Variants in NCKAP5 observed in about 807,000 individuals in gnomAD.
NCKAP5 encodes the protein NCK associated protein 5.
In NCKAP5, 92 loss-of-function variants were observed where a neutral mutation model predicts 167.0. The ratio of observed to expected loss-of-function variants is 0.55; its 90% CI spans 0.47 to 0.66. NCKAP5 has a LOEUF of 0.66. Among genes scored for constraint, NCKAP5 ranks in the 30% least tolerant of loss-of-function variants. The pLI is 0.00. For missense variants in NCKAP5, 2,378 were observed against 2,315.0 expected (o/e 1.03, Z -0.56); for synonymous variants, 891 against 877.4 (o/e 1.02, Z -0.27).
At position 133,508,043 on chromosome 2, in the gene NCKAP5, A is replaced by T. The variant is rs957777108; in HGVS notation, c.69+9415T>A. ...TGAAAATGATTTAGCTATGTGATGC[A>T]TTTTGCCTTGCACCAGGAATTAGGG... On this transcript the variant is annotated intron_variant, in intron 3 of 19. Transcript: ENST00000409261. 4.6e-5 allele frequency among the ~76,000 whole-genome samples: 7 copies of T among 152,218 alleles called. No homozygotes were observed. In the East Asian group the frequency reaches 1.3e-3, roughly 29 times the overall value.
At chr2:132,769,941 A>G (rs1480698244) in intron 16 of NCKAP5, among the ~76,000 whole-genome samples, 1 of 152,250 alleles carries the variant, frequency 6.6e-6, no homozygotes, top group Non-Finnish European at 1.5e-5. Flanking sequence ...AATAGATACA[A>G]TGAGCCAATA....
rs190372180 is a variant in NCKAP5 at position 132,927,695 on chromosome 2, G to T, written c.579+36025C>A. ...CAGCTTGTTATTGGTGTATAAAAATGCCACTGATTTTTGTATTTTGATTTT... is the reference window on the plus strand; with the variant it reads ...CAGCTTGTTATTGGTGTATAAAAATTCCACTGATTTTTGTATTTTGATTTT... On this transcript the variant is annotated intron_variant, in intron 8 of 19. Transcript: ENST00000409261. Among the ~76,000 whole-genome samples the T allele has an allele frequency of 2.6e-3, 401 of 152,110 alleles. 4 individuals carry two copies. The highest frequency in any genetic ancestry group is 8.7e-3 in the African/African-American group (363 of 41,508).
At position 133,214,664 on chromosome 2, in the gene NCKAP5, T is replaced by C. The variant is rs76245142; in HGVS notation, c.144-885A>G. Among the ~76,000 whole-genome samples the C allele has an allele frequency of 1.4e-3, 218 of 152,298 alleles. 1 individual carries two copies. Among genetic ancestry groups the C allele is most frequent in the Non-Finnish European group, 2.6e-3 (177 of 68,010 alleles). ...GCTTTTCAATTGTTCTTTAAAATAA[T>C]TGATTAGATGTCATAGGGGTAAGTG... is the stretch of plus-strand genomic sequence containing the variant. On this transcript the variant is annotated intron_variant, in intron 4 of 19. Transcript: ENST00000409261.
intron 19 of NCKAP5, among the ~76,000 whole-genome samples, chr2:132,710,468 CTTAAACCTA>C (rs1342575508): frequency 6.6e-6 from 1 of 152,166 alleles, no homozygotes; most frequent in Non-Finnish European, 1.5e-5. Context: ...AACAGATGTT[CTTAAACCTA>C]AGGCACTGTG....
chr2:132,762,943 C>CT (rs1681139693), intron 16 of NCKAP5, among the ~76,000 whole-genome samples: 2 of 152,076 alleles, frequency 1.3e-5, no homozygotes, highest in East Asian at 1.9e-4. Flanking sequence ...GGTATGAGAG[C>CT]TTTTTTTGGT....
At chr2:133,612,054 C>T in the NCKAP5 span, among the ~76,000 whole-genome samples, 1 of 152,142 alleles carries the variant, frequency 6.6e-6, no homozygotes, top group Non-Finnish European at 1.5e-5. Context: ...AGTATAGTTG[C>T]TTTTCATGAA....
At chr2:133,488,256 C>G (rs920520510) in intron 3 of NCKAP5, among the ~76,000 whole-genome samples, 6 of 152,114 alleles carry the variant, frequency 3.9e-5, no homozygotes, top group African/African-American at 1.4e-4. Context: ...GGTCCCTTGA[C>G]CTCCTGAATC....
At chr2:133,381,037 G>A (rs1051862908) in intron 3 of NCKAP5, among the ~76,000 whole-genome samples, 40 of 152,182 alleles carry the variant, frequency 2.6e-4, no homozygotes, top group Admixed American at 5.2e-4. Flanking sequence ...GCACAACACA[G>A]TAAAAGATAG....
intron 3 of NCKAP5, among the ~76,000 whole-genome samples, chr2:133,313,795 T>C (rs1681417044): frequency 6.6e-6 from 1 of 151,900 alleles, no homozygotes; most frequent in African/African-American, 2.4e-5. Context: ...ATTAGAAGAG[T>C]CCTCATTTCA....
intron 4 of NCKAP5, among the ~76,000 whole-genome samples, chr2:133,228,048 C>A (rs112423311): frequency 6.6e-6 from 1 of 152,144 alleles, no homozygotes; most frequent in African/African-American, 2.4e-5. Context: ...ATCAGTTCCA[C>A]GTTTTAATTC....
intron 3 of NCKAP5, among the ~76,000 whole-genome samples, chr2:133,422,781 A>T (rs1349910284): frequency 6.6e-6 from 1 of 152,192 alleles, no homozygotes; most frequent in Admixed American, 6.5e-5. Flanking sequence ...TTCGTCTGTG[A>T]TCAGAAGCCT....
intron 16 of NCKAP5, among the ~76,000 whole-genome samples, chr2:132,733,500 C>T (rs1430106723): frequency 6.6e-6 from 1 of 152,160 alleles, no homozygotes; most frequent in Non-Finnish European, 1.5e-5. Flanking sequence ...CCTTTTACTG[C>T]TGTGAGGATT....
chr2:133,397,822 C>T (rs1190157857), intron 3 of NCKAP5, among the ~76,000 whole-genome samples: 1 of 152,148 alleles, frequency 6.6e-6, no homozygotes, highest in African/African-American at 2.4e-5. Context: ...CATGGGCTGG[C>T]CTTGGCCTTG....
At position 132,783,972 on chromosome 2, in the gene NCKAP5, A is replaced by G; in HGVS notation, c.2839T>C (p.Tyr947His). The change falls in exon 14 of 20, where the codon TAT becomes CAT. Residue 947 changes from tyrosine to histidine, a missense_variant. Transcript: ENST00000409261. ...VSLLARPSYD[Y>H]SPAPSSTKSE... The stretch of plus-strand genomic sequence containing the variant: ...TTGGTGGATGAAGGTGCTGGTGAAT[A>G]GTCATAGCTGGGCCTGGCCAGCAGG... 1.3e-6 allele frequency: 2 copies of G among 1,597,918 alleles called. No homozygotes were observed. Among genetic ancestry groups the G allele is most frequent in the South Asian group, 1.1e-5 (1 of 88,540 alleles).
chr2:133,653,343 G>A, the NCKAP5 span, among the ~76,000 whole-genome samples: 2 of 152,122 alleles, frequency 1.3e-5, no homozygotes, highest in African/African-American at 2.4e-5. Flanking sequence ...GTTCTCAGAT[G>A]CATGCCTCAT....
chr2:133,450,869 T>C (rs1691507389), intron 3 of NCKAP5, among the ~76,000 whole-genome samples: 2 of 152,136 alleles, frequency 1.3e-5, no homozygotes, highest in Admixed American at 1.3e-4. Flanking sequence ...CAGGGTAAAA[T>C]GAGAAACCTT....
chr2:133,249,897 G>T (rs62179960), intron 4 of NCKAP5, among the ~76,000 whole-genome samples: 24,246 of 151,774 alleles, frequency 0.16, 2,111 homozygotes, highest in African/African-American at 0.24. Context: ...CCTGGAGAAA[G>T]GACTCAAGGC....
At chr2:133,067,609 A>G (rs1011440255) in intron 6 of NCKAP5, among the ~76,000 whole-genome samples, 1 of 152,216 alleles carries the variant, frequency 6.6e-6, no homozygotes, top group African/African-American at 2.4e-5. Context: ...CAAGTGGGAA[A>G]TGATCTACTC....
intron 8 of NCKAP5, among the ~76,000 whole-genome samples, chr2:132,951,101 G>A (rs281584): frequency 0.57 from 86,542 of 152,014 alleles, 28,364 homozygotes; most frequent in South Asian, 0.76. Flanking sequence ...ACTTTGCTGG[G>A]TTGAGATGCT....
Sources: gnomAD v4.1 joint callset for allele counts (sites outside exome capture counted in the v4.1 genomes callset) on GRCh38, gnomAD v4.1.1 for gene constraint, MANE v1.5 for transcripts, NCBI Gene and HGNC (gene_info 2026-07-23, HGNC 2026-07-21) for gene names.